The following CRACR2A variants were observed in gnomAD, a reference collection of about 807,000 sequenced individuals.
The protein encoded by CRACR2A is calcium release activated channel regulator 2A, also known as EF-hand calcium-binding domain-containing protein 4B.
Under a neutral mutation model 90.5 loss-of-function variants are expected in CRACR2A, and 79 were observed. The observed-to-expected ratio is 0.87, with a 90% confidence interval of 0.73 to 1.05. The LOEUF is 1.05. Ranked by LOEUF, CRACR2A falls within the 50% of genes least tolerant of loss-of-function variation. CRACR2A has a pLI of 0.00. For synonymous variants in CRACR2A, 338 were observed against 356.7 expected, an observed-to-expected ratio of 0.95 and a Z score of 0.59; for missense variants, 823 against 897.2, an observed-to-expected ratio of 0.92 and a Z score of 1.06.
intron 14 of CRACR2A, among the ~76,000 whole-genome samples, chr12:3,637,445 A>C (rs1944474121): frequency 1.3e-5 from 2 of 152,152 alleles, no homozygotes; most frequent in Admixed American, 1.3e-4. Flanking sequence ...TTTCTCTTCA[A>C]ATAATCTGAT....
chr12:3,736,720 A>C (rs1946456048), intron 1 of CRACR2A, among the ~76,000 whole-genome samples: 1 of 152,218 alleles, frequency 6.6e-6, no homozygotes, highest in Admixed American at 6.5e-5. Flanking sequence ...TTAGAGAGGA[A>C]GCAAAGGAAA....
chr12:3,744,602 T>C (rs1447937515), intron 1 of CRACR2A, among the ~76,000 whole-genome samples: 8 of 152,116 alleles, frequency 5.3e-5, no homozygotes, highest in Non-Finnish European at 1.2e-4. Flanking sequence ...TGGGGAGAAA[T>C]ATGCAAGGTT....
chr12:3,669,888 C>G (rs1332280206), intron 7 of CRACR2A, among the ~76,000 whole-genome samples: 1 of 152,136 alleles, frequency 6.6e-6, no homozygotes, highest in Non-Finnish European at 1.5e-5. Context: ...AGGCCAGACT[C>G]CCCCAGAGGT....
chr12:3,743,911 C>A (rs559588015), intron 1 of CRACR2A, among the ~76,000 whole-genome samples: 3 of 152,252 alleles, frequency 2.0e-5, no homozygotes, highest in Non-Finnish European at 2.9e-5. Context: ...CCAGAGGACA[C>A]GTCGCAGAAG....
intron 17 of CRACR2A, among the ~76,000 whole-genome samples, chr12:3,622,707 C>A (rs1047441825): frequency 3.9e-5 from 6 of 152,084 alleles, no homozygotes; most frequent in Non-Finnish European, 8.8e-5. Flanking sequence ...TGGGATAGTG[C>A]TGCTATTTCT....
At chr12:3,629,072 A>G (rs1180396818) in intron 15 of CRACR2A, among the ~76,000 whole-genome samples, 6 of 152,134 alleles carry the variant, frequency 3.9e-5, no homozygotes, top group Admixed American at 1.3e-4. Context: ...CAGCATTTCT[A>G]TGTGCTCCCT....
chr12:3,676,113 C>CATCT (rs1945331651), intron 6 of CRACR2A, among the ~76,000 whole-genome samples: 2 of 152,202 alleles, frequency 1.3e-5, no homozygotes, highest in South Asian at 4.2e-4. Flanking sequence ...TCCATCCATC[C>CATCT]ATCCATCCAC....
chr12:3,724,750 T>C (rs944337338), intron 2 of CRACR2A, among the ~76,000 whole-genome samples: 2 of 152,120 alleles, frequency 1.3e-5, no homozygotes, highest in African/African-American at 2.4e-5. Context: ...GAACTGCTGG[T>C]GTTGGGGAGG....
chr12:3,740,869 A>G (rs1946514071), intron 1 of CRACR2A, among the ~76,000 whole-genome samples: 1 of 152,222 alleles, frequency 6.6e-6, no homozygotes, highest in African/African-American at 2.4e-5. Flanking sequence ...AAGGAAAATA[A>G]TAATTGTACC....
chr12:3,673,115 C>T (rs544088459), intron 7 of CRACR2A, among the ~76,000 whole-genome samples: 1 of 152,308 alleles, frequency 6.6e-6, no homozygotes, highest in Non-Finnish European at 1.5e-5. Flanking sequence ...ACTACTTAAC[C>T]TTTCTGGGTT....
chr12:3,687,947 G>T (rs1306381586), intron 4 of CRACR2A, among the ~76,000 whole-genome samples: 1 of 152,150 alleles, frequency 6.6e-6, no homozygotes, highest in Non-Finnish European at 1.5e-5. Flanking sequence ...GATCAGTGAT[G>T]ACCTTTTTTT....
At position 3,623,632 on chromosome 12, in the gene CRACR2A, G is replaced by A. The variant is rs575978665; in HGVS notation, c.1932+3804C>T. 6.6e-5 allele frequency among the ~76,000 whole-genome samples: 10 copies of A among 152,320 alleles called. No individual in the cohort carries two copies. In the South Asian group the frequency reaches 1.9e-3, roughly 28 times the overall value. On this transcript the variant is annotated intron_variant, in intron 17 of 19. Transcript: ENST00000440314. ...ATGGTTAAACCAATTCTACCCAATT[G>A]AGATAAGAAATTGGGGGTGGGTTGG...
chr12:3,752,139 G>A (rs1946715723), intron 1 of CRACR2A, among the ~76,000 whole-genome samples: 1 of 152,174 alleles, frequency 6.6e-6, no homozygotes, highest in Non-Finnish European at 1.5e-5. Flanking sequence ...CCACGGATTG[G>A]CTCTTTCTGT....
intron 1 of CRACR2A, among the ~76,000 whole-genome samples, chr12:3,740,327 T>C (rs1288076888): frequency 6.6e-6 from 1 of 151,112 alleles, no homozygotes; most frequent in Non-Finnish European, 1.5e-5. Context: ...GCCCAATTTT[T>C]ATTTGGCAAC....
At chr12:3,749,332 T>C (rs1487155206) in intron 1 of CRACR2A, among the ~76,000 whole-genome samples, 1 of 152,182 alleles carries the variant, frequency 6.6e-6, no homozygotes, top group African/African-American at 2.4e-5. Context: ...GGATGATGTA[T>C]TATAAGAGTG....
chr12:3,652,663 G>A (rs1175162780), intron 10 of CRACR2A, among the ~76,000 whole-genome samples: 2 of 152,128 alleles, frequency 1.3e-5, no homozygotes, highest in African/African-American at 2.4e-5. Context: ...TTTGAACAAG[G>A]GGAGTTAACA....
At chr12:3,716,924 A>ATT (rs75532126) in intron 2 of CRACR2A, among the ~76,000 whole-genome samples, 2 of 151,718 alleles carry the variant, frequency 1.3e-5, no homozygotes, top group South Asian at 2.1e-4. Context: ...AAATTCTTGT[A>ATT]TTTTTTTTAA....
rs542535569 is a variant in CRACR2A at position 3,661,049 on chromosome 12, T to G, written c.672-1395A>C. ...AAGGATGGGAATATATTTATTCCCC[T>G]GAGCCCTCCATCATTTTAACCCCTA... On this transcript the variant is annotated intron_variant, in intron 7 of 19. Coordinates refer to ENST00000440314, the MANE Select transcript of CRACR2A (RefSeq NM_001144958.2). Among the ~76,000 whole-genome samples the G allele has an allele frequency of 1.2e-3, 187 of 152,292 alleles. 1 individual carries two copies. The highest frequency in any genetic ancestry group is 4.2e-3 in the African/African-American group (174 of 41,562).
chr12:3,678,415 C>T (rs764312981), intron 6 of CRACR2A, among the ~76,000 whole-genome samples: 23 of 152,156 alleles, frequency 1.5e-4, no homozygotes, highest in Non-Finnish European at 2.9e-4. Context: ...TGTGCAAATG[C>T]TTCCACATGA....
Sources: gnomAD v4.1 joint callset for allele counts (sites outside exome capture counted in the v4.1 genomes callset) on GRCh38, gnomAD v4.1.1 for gene constraint, MANE v1.5 for transcripts, NCBI Gene and HGNC (gene_info 2026-07-23, HGNC 2026-07-21) for gene names.